Variants in YARS1 observed in about 807,000 individuals in gnomAD.
YARS1 encodes tyrosyl-tRNA synthetase 1.
YARS1 carries 36 observed loss-of-function variants against 62.2 expected under a neutral mutation model. The observed-to-expected ratio is 0.58, with a 90% confidence interval of 0.44 to 0.76. The LOEUF (loss-of-function observed/expected upper bound fraction) is 0.76, where lower values mean the gene tolerates loss of function less well. YARS1 is among the 30% of genes least tolerant of loss of function. The probability of loss-of-function intolerance (pLI) is 0.00; values close to 1 mark genes in which losing one functional copy is unlikely to be tolerated. For missense variants in YARS1, 524 were observed against 639.8 expected (o/e 0.82, Z 1.95); for synonymous variants, 234 against 244.9 (o/e 0.96, Z 0.42).
chr1:32,790,635 C>CT (rs554417955), intron 6 of YARS1: 240 of 139,312 alleles, frequency 1.7e-3, no homozygotes, highest in East Asian at 3.6e-3. Context: ...CTAATCAACA[C>CT]TTTTTTTTTT....
In YARS1 at chr1:32,775,610, G is replaced by C; in HGVS notation, c.*371C>G. ...GTCCAGGTACCAGATCCCAGCTAGG[G>C]GCGCAGCTGCTTGGATAACTCCAAG... On this transcript the variant is annotated 3_prime_UTR_variant, in exon 13 of 13. Coordinates refer to ENST00000373477, the MANE Select transcript of YARS1 (RefSeq NM_003680.4). 4.1e-6 allele frequency: 1 copy of C among 246,454 alleles called. No homozygotes were observed. Among genetic ancestry groups the C allele is most frequent in the Admixed American group, 4.9e-5 (1 of 20,314 alleles). The allele number at this position is 246,454 out of a possible 1,614,324, so 15.3% of individuals were successfully genotyped here.
chr1:32,792,488 A>T (rs892286149), intron 5 of YARS1, among the ~76,000 whole-genome samples: 6 of 152,214 alleles, frequency 3.9e-5, no homozygotes, highest in African/African-American at 1.4e-4. Flanking sequence ...AGAAATGGGA[A>T]GCAGAGAAAA....
chr1:32,776,009 T>C lies in YARS1; in HGVS notation c.1559A>G (p.Lys520Arg). The change falls in exon 13 of 13, where the codon AAA becomes AGA. Residue 520 changes from lysine (K) to arginine (R), a missense_variant. By Grantham distance (26) the Lys-to-Arg change is conservative. Transcript: ENST00000373477. The surrounding 1 kb of genome is among the most constrained non-coding windows in gnomAD (Gnocchi z 4.0). ...GCTAATGTTCCCCCCTTTCAGCGAT[T>C]TACAGGAAATGGAGCCCAGCTTGGT... Reference protein sequence around the residue: ...FMTKLGSISCKSLKGGNIS With the variant: ...FMTKLGSISCRSLKGGNIS The C allele has an allele frequency of 6.2e-7, 1 of 1,614,136 alleles. No individual in the cohort carries two copies. The highest frequency in any genetic ancestry group is 8.5e-7 in the Non-Finnish European group (1 of 1,180,016).
In YARS1 at chr1:32,786,961, C is replaced by G. The variant is rs1230847972; in HGVS notation, c.799G>C (p.Val267Leu). Reference sequence around the variant, plus strand: ...TTACCGGACTTAAGGGGAAAAAGGACATGCTTGATGAAGGACAGAACCCCA... The same window carrying G: ...TTACCGGACTTAAGGGGAAAAAGGAGATGCTTGATGAAGGACAGAACCCCA... ...NNGVLSFIKH[V>L]LFPLKSEFVI... The change falls in exon 7 of 13, where the codon GTC (valine) becomes CTC (leucine). Residue 267 changes from valine (V) to leucine (L), a missense_variant. Physicochemically the swap from Val to Leu is conservative, Grantham distance 32. Coordinates refer to ENST00000373477, the MANE Select transcript of YARS1 (RefSeq NM_003680.4). 1.9e-6 allele frequency: 3 copies of G among 1,614,098 alleles called. No homozygotes were observed. Among genetic ancestry groups the G allele is most frequent in the Non-Finnish European group, 2.5e-6 (3 of 1,180,022 alleles).
rs1408410032 is a variant in YARS1, at chr1:32,786,398, T to C, written c.870A>G (p.Thr290=). ...DEKWGGNKTY[T]AYVDLEKDFA... is the part of the protein sequence containing the mutation. ...AGTCCTTTTCCAGGTCCACGTAAGC[T>C]GTGTAGGTTTTGTTTCCACCCCATT... The change falls in exon 8 of 13, where the codon ACA becomes ACG. Residue 290 remains threonine, a synonymous_variant. Coordinates refer to ENST00000373477, the MANE Select transcript of YARS1 (RefSeq NM_003680.4). 2.5e-6 allele frequency: 4 copies of C among 1,613,992 alleles called. No individual in the cohort carries two copies. The African/African-American group carries it at 5.3e-5, about 22-fold the overall frequency.
chr1:32,793,188 T>C (rs1653470289), intron 5 of YARS1, among the ~76,000 whole-genome samples: 1 of 152,118 alleles, frequency 6.6e-6, no homozygotes, highest in African/African-American at 2.4e-5. Flanking sequence ...ATATGAGACA[T>C]GAGTTTTATA....
chr1:32,794,066 C>T (rs1415785286), intron 5 of YARS1, among the ~76,000 whole-genome samples: 2 of 152,176 alleles, frequency 1.3e-5, no homozygotes, highest in Non-Finnish European at 2.9e-5. Context: ...AAAACAATTA[C>T]AGGCTGGGCG....
At chr1:32,786,572 A>G in intron 7 of YARS1, 125 bp from the exon 8 acceptor site, 10 of 962,094 alleles carry the variant, frequency 1.0e-5, no homozygotes, top group Non-Finnish European at 1.6e-5. Flanking sequence ...ACTTTATTGT[A>G]TGGTATTATT....
At position 32,775,337 on chromosome 1, in the gene YARS1, C is replaced by T. The variant is rs1461010733; in HGVS notation, c.*644G>A. The T allele has an allele frequency of 6.5e-6, 1 of 153,876 alleles. No homozygotes were observed. The highest frequency in any genetic ancestry group is 1.4e-5 in the Non-Finnish European group (1 of 69,226). 9.5% of individuals were successfully genotyped at this position (153,876 alleles called of 1,614,324 possible). ...CCCACCCTCTATGAAGACAGAATCA[C>T]TCTCTGCCATTCATTCTGCCTGATG... On this transcript the variant is annotated 3_prime_UTR_variant, in exon 13 of 13. Transcript: ENST00000373477.
chr1:32,809,633 GA>G (rs1476986302), intron 3 of YARS1, among the ~76,000 whole-genome samples: 1 of 152,176 alleles, frequency 6.6e-6, no homozygotes, highest in Non-Finnish European at 1.5e-5. Flanking sequence ...TAGTAAGCAA[GA>G]GATCTGGGTT....
At chr1:32,782,287 T>G in intron 9 of YARS1, 117 bp downstream of exon 9, 2 of 1,552,108 alleles carry the variant, frequency 1.3e-6, no homozygotes, top group South Asian at 1.1e-5. Flanking sequence ...GACATGACAT[T>G]CCTGCACTTC....
At chr1:32,797,956 T>A (rs1653657945) in intron 4 of YARS1, 113 bp from the exon 5 acceptor site, 8 of 857,260 alleles carry the variant, frequency 9.3e-6, no homozygotes, top group Middle Eastern at 3.4e-4. Flanking sequence ...CTGCCACCTC[T>A]GCCTCTCAGG....
intron 12 of YARS1, among the ~76,000 whole-genome samples, chr1:32,777,846 T>G (rs1652917983): frequency 2.0e-5 from 3 of 152,116 alleles, no homozygotes; most frequent in Admixed American, 2.0e-4. Context: ...ATAAACGTAT[T>G]ATCACTCCAA....
intron 8 of YARS1, among the ~76,000 whole-genome samples, chr1:32,784,008 C>CTTT (rs201644360): frequency 7.0e-6 from 1 of 142,098 alleles, no homozygotes; most frequent in Non-Finnish European, 1.5e-5. Flanking sequence ...CCACAAAAGA[C>CTTT]TTTTTTTTTT....
At position 32,810,738 on chromosome 1, in the gene YARS1, G is replaced by A; in HGVS notation, c.233C>T (p.Ala78Val). Reference sequence around the variant, plus strand: ...TGGGGCTTTCATGTTATCCAGGTATGCGTGGAGGTCCGCAAACAGAATTGT... The same window carrying A: ...TGGGGCTTTCATGTTATCCAGGTATACGTGGAGGTCCGCAAACAGAATTGT... ...EVTILFADLH[A>V]YLDNMKAPWE... The change falls in exon 3 of 13, where the codon GCA (alanine) becomes GTA (valine). Residue 78 changes from alanine to valine, a missense_variant. By Grantham distance (64) the Ala-to-Val change is moderately conservative. Transcript: ENST00000373477. 1 of 1,614,164 alleles carries A rather than the reference G, an allele frequency of 6.2e-7. No individual in the cohort carries two copies. Among genetic ancestry groups the A allele is most frequent in the Admixed American group, 1.7e-5 (1 of 60,014 alleles).
chr1:32,804,663 T>C (rs1247585397), intron 4 of YARS1, among the ~76,000 whole-genome samples: 1 of 140,032 alleles, frequency 7.1e-6, no homozygotes, highest in Non-Finnish European at 1.5e-5. Flanking sequence ...GCTCCCCACA[T>C]CTGAGACGAT....
intron 4 of YARS1, among the ~76,000 whole-genome samples, chr1:32,801,735 C>T (rs1557460261): frequency 6.6e-6 from 1 of 152,194 alleles, no homozygotes; most frequent in Admixed American, 6.5e-5. Flanking sequence ...GCTGCTTTAT[C>T]AACGAAGTTT....
At chr1:32,784,723 C>T (rs1166951145) in intron 8 of YARS1, among the ~76,000 whole-genome samples, 1 of 151,820 alleles carries the variant, frequency 6.6e-6, no homozygotes, top group Non-Finnish European at 1.5e-5. Context: ...CACATATATT[C>T]ACATATATAC....
rs377104433 is a variant in YARS1, at chr1:32,786,499, C to T, written c.821-52G>A. 2.6e-5 allele frequency: 27 copies of T among 1,053,060 alleles called. No homozygotes were observed. The East Asian group carries it at 3.0e-4, about 12-fold the overall frequency. The allele number at this position is 1,053,060 out of a possible 1,614,324, so 65.2% of individuals were successfully genotyped here. A position where few individuals can be genotyped will look rare whatever the true frequency, so the allele number is the denominator to read the frequency against. ...AAACTCATTGACAGCATTCCTAGCT[C>T]ACATGCATGACTATTCCTAGCCCAC... On this transcript the variant is annotated intron_variant, in intron 7 of 12. Coordinates refer to ENST00000373477, the MANE Select transcript of YARS1 (RefSeq NM_003680.4).
Sources: gnomAD v4.1 joint callset for allele counts (sites outside exome capture counted in the v4.1 genomes callset) on GRCh38, gnomAD v4.1.1 for gene constraint, Gnocchi (gnomAD v3.1) non-coding constraint, MANE v1.5 for transcripts, NCBI Gene and HGNC (gene_info 2026-07-23, HGNC 2026-07-21) for gene names.